Variants in USH2A observed in about 807,000 individuals in gnomAD.
USH2A encodes the protein Usher syndrome 2A (autosomal recessive, mild).
Under a neutral mutation model 538.9 loss-of-function variants are expected in USH2A, and 443 were observed. That is an observed-to-expected ratio of 0.82 (90% confidence interval 0.76 to 0.89). USH2A has a LOEUF of 0.89. USH2A is among the 40% of genes least tolerant of loss of function. The probability of loss-of-function intolerance (pLI) is 0.00; values close to 1 mark genes in which losing one functional copy is unlikely to be tolerated. For synonymous variants in USH2A, 2,413 were observed against 2,273.5 expected, an observed-to-expected ratio of 1.06 and a Z score of -1.75; for missense variants, 6,633 against 6,324.8, an observed-to-expected ratio of 1.05 and a Z score of -1.65.
At chr1:216,152,032 G>C (rs1425038169) in intron 21 of USH2A, among the ~76,000 whole-genome samples, 1 of 151,626 alleles carries the variant, frequency 6.6e-6, no homozygotes, top group African/African-American at 2.4e-5. Flanking sequence ...CTTACCACAA[G>C]ACCTCCCTTC....
intron 58 of USH2A, among the ~76,000 whole-genome samples, chr1:215,751,883 A>G (rs1660632487): frequency 6.6e-6 from 1 of 152,266 alleles, no homozygotes; most frequent in African/African-American, 2.4e-5. Flanking sequence ...CAGATGAGAA[A>G]CCTGAATTTG....
chr1:215,858,923 T>A (rs1664243185), intron 44 of USH2A, among the ~76,000 whole-genome samples: 1 of 152,162 alleles, frequency 6.6e-6, no homozygotes, highest in Non-Finnish European at 1.5e-5. Flanking sequence ...ATCTGGAGGC[T>A]AGAGGTTCGT....
At chr1:216,251,148 A>T in intron 11 of USH2A, 50 bp from the exon 12 acceptor site, 1 of 1,598,610 alleles carries the variant, frequency 6.3e-7, no homozygotes, top group African/African-American at 1.3e-5. Context: ...CTATTTTTAG[A>T]TAATTTGCTC....
chr1:216,329,639 T>C (rs2037815011), intron 4 of USH2A, among the ~76,000 whole-genome samples: 1 of 152,074 alleles, frequency 6.6e-6, no homozygotes, highest in Non-Finnish European at 1.5e-5. Flanking sequence ...GCATGAATTT[T>C]TAATGCCCCA....
At chr1:216,241,604 T>G (rs1572083405) in intron 13 of USH2A, among the ~76,000 whole-genome samples, 1 of 151,982 alleles carries the variant, frequency 6.6e-6, no homozygotes, top group African/African-American at 2.4e-5. Flanking sequence ...GCGCCATCTC[T>G]GCTCACTGCA....
At chr1:215,956,355 T>A (rs73092444) in intron 37 of USH2A, among the ~76,000 whole-genome samples, 22,329 of 152,128 alleles carry the variant, frequency 0.15, 1,853 homozygotes, top group African/African-American at 0.22. Flanking sequence ...GTGGTGTGGG[T>A]TTGAAAATGG....
At chr1:215,794,483 G>A (rs1662068368) in intron 50 of USH2A, among the ~76,000 whole-genome samples, 1 of 152,188 alleles carries the variant, frequency 6.6e-6, no homozygotes, top group African/African-American at 2.4e-5. Flanking sequence ...GGAGAAAAAG[G>A]GCCATATGGA....
chr1:216,183,087 C>G (rs966827188), intron 20 of USH2A, among the ~76,000 whole-genome samples: 3 of 152,040 alleles, frequency 2.0e-5, no homozygotes, highest in Admixed American at 6.6e-5. Context: ...ACTTTCTTAC[C>G]CTGCTAAGCA....
At chr1:215,722,853 A>G (rs1244306091) in intron 61 of USH2A, among the ~76,000 whole-genome samples, 1 of 152,220 alleles carries the variant, frequency 6.6e-6, no homozygotes, top group African/African-American at 2.4e-5. Context: ...CACAGATAAT[A>G]GGTAAACCAC....
intron 45 of USH2A, among the ~76,000 whole-genome samples, chr1:215,844,983 C>T (rs1445152502): frequency 1.3e-5 from 2 of 152,022 alleles, no homozygotes; most frequent in Non-Finnish European, 2.9e-5. Flanking sequence ...GCAATATTGT[C>T]ATTATGTAAA....
chr1:216,234,620 G>C (rs1207223213), intron 13 of USH2A, among the ~76,000 whole-genome samples: 1 of 152,042 alleles, frequency 6.6e-6, no homozygotes, highest in East Asian at 1.9e-4. Flanking sequence ...ATGGCATCAT[G>C]AATGTGCTAA....
At chr1:215,828,562 A>G (rs1039719553) in intron 47 of USH2A, among the ~76,000 whole-genome samples, 3 of 152,250 alleles carry the variant, frequency 2.0e-5, no homozygotes, top group African/African-American at 7.2e-5. Context: ...AAGTTTGTGT[A>G]TAAGAATATC....
intron 38 of USH2A, among the ~76,000 whole-genome samples, chr1:215,931,723 T>G (rs1666367989): frequency 6.6e-6 from 1 of 152,058 alleles, no homozygotes; most frequent in Non-Finnish European, 1.5e-5. Context: ...TTATTCATTA[T>G]GCACCTACCA....
At chr1:215,667,371 AG>A (rs1275657672) in intron 64 of USH2A, among the ~76,000 whole-genome samples, 1 of 152,170 alleles carries the variant, frequency 6.6e-6, no homozygotes. Context: ...GGTTTTCTGC[AG>A]TGAGTAGCTC....
At chr1:215,834,432 G>A (rs768890129) in intron 47 of USH2A, among the ~76,000 whole-genome samples, 1 of 152,092 alleles carries the variant, frequency 6.6e-6, no homozygotes, top group Non-Finnish European at 1.5e-5. Flanking sequence ...ACTAAAAGAA[G>A]CCATTTGAAT....
chr1:215,726,177 A>G (rs901513349), intron 61 of USH2A, among the ~76,000 whole-genome samples: 2 of 152,194 alleles, frequency 1.3e-5, no homozygotes, highest in Non-Finnish European at 2.9e-5. Context: ...TTTAAGGGTG[A>G]AAGTTTAGAA....
intron 61 of USH2A, among the ~76,000 whole-genome samples, chr1:215,683,575 C>T (rs1353009997): frequency 6.6e-6 from 1 of 152,142 alleles, no homozygotes; most frequent in Non-Finnish European, 1.5e-5. Flanking sequence ...TGCTTGAGCA[C>T]TGTGGATCTT....
At chr1:216,416,846 C>CAA (rs1315543047) in intron 3 of USH2A, among the ~76,000 whole-genome samples, 2 of 151,990 alleles carry the variant, frequency 1.3e-5, no homozygotes, top group Admixed American at 6.6e-5. Flanking sequence ...ATTGTTGATA[C>CAA]AAAAATATGC....
At chr1:216,338,961 C>T (rs941501794) in intron 4 of USH2A, among the ~76,000 whole-genome samples, 7 of 151,508 alleles carry the variant, frequency 4.6e-5, no homozygotes, top group South Asian at 4.1e-4. Context: ...AACAGTTTGG[C>T]GATATATCAA....
Sources: gnomAD v4.1 joint callset for allele counts (sites outside exome capture counted in the v4.1 genomes callset) on GRCh38, gnomAD v4.1.1 for gene constraint, MANE v1.5 for transcripts, NCBI Gene and HGNC (gene_info 2026-07-23, HGNC 2026-07-21) for gene names.